Variants in ZNF608 observed in about 807,000 individuals in gnomAD.
ZNF608 encodes the protein renal carcinoma antigen NY-REN-36.
A neutral mutation model predicts 109.0 loss-of-function variants in ZNF608; 12 were observed. The observed-to-expected ratio is 0.11, with a 90% CI of 0.07 to 0.18. The LOEUF is 0.18. ZNF608 is among the 10% of genes least tolerant of loss of function. The pLI, the probability that ZNF608 is intolerant of heterozygous loss-of-function variation, is 1.00. For missense variants in ZNF608, 1,707 were observed against 1,879.3 expected (o/e 0.91, Z 1.70); for synonymous variants, 732 against 717.4 (o/e 1.02, Z -0.33).
At position 124,648,737 on chromosome 5, in the gene ZNF608, A is replaced by C. The variant is rs1227304242; in HGVS notation, c.1647T>G (p.Ser549=). 1 of 1,614,198 alleles carries C rather than the reference A, an allele frequency of 6.2e-7. No individual in the cohort carries two copies. The highest frequency in any genetic ancestry group is 1.7e-5 in the Admixed American group (1 of 60,022). Reference sequence around the variant, plus strand: ...GGTGGGGACAGTCGATTAACACTGGAGAAGAGCAGCCTTGGTCCAAAAAAG... The same window carrying C: ...GGTGGGGACAGTCGATTAACACTGGCGAAGAGCAGCCTTGGTCCAAAAAAG... ...ETTFLDQGCS[S]PVLIDCPHPN... The change falls in exon 5 of 10, where the codon TCT becomes TCG. Residue 549 remains serine (S), a synonymous_variant. Coordinates refer to ENST00000513986, the MANE Select transcript of ZNF608 (RefSeq NM_020747.3).
rs189402770 is a variant in ZNF608 at position 124,702,206 on chromosome 5, G to T, written c.907-937C>A. 2.0e-5 allele frequency among the ~76,000 whole-genome samples: 3 copies of T among 152,260 alleles called. No homozygotes were observed. In the South Asian group the frequency reaches 6.2e-4, roughly 32 times the overall value. On this transcript the variant is annotated intron_variant, in intron 2 of 9. Coordinates refer to ENST00000513986, the MANE Select transcript of ZNF608 (RefSeq NM_020747.3). ...TTTGGCCCATTGTAACAACTGCTAG[G>T]ACTGCTACAGATAGCTTTGACCCTG...
At chr5:124,736,257 G>C (rs1749137883) in intron 2 of ZNF608, among the ~76,000 whole-genome samples, 4 of 152,202 alleles carry the variant, frequency 2.6e-5, no homozygotes, top group African/African-American at 9.7e-5. Context: ...AGATTTGATA[G>C]CATTATCCAT....
chr5:124,722,904 C>T (rs1236048270), intron 2 of ZNF608, among the ~76,000 whole-genome samples: 2 of 151,898 alleles, frequency 1.3e-5, no homozygotes, highest in African/African-American at 2.4e-5. Flanking sequence ...ATTCTGTATA[C>T]TGGATCAAAA....
At chr5:124,740,648 G>A (rs1749354149) in intron 2 of ZNF608, among the ~76,000 whole-genome samples, 1 of 152,112 alleles carries the variant, frequency 6.6e-6, no homozygotes, top group Non-Finnish European at 1.5e-5. Flanking sequence ...AAAATAAAAT[G>A]AATGATATCC....
chr5:124,739,788 C>T (rs1331970335), intron 2 of ZNF608, among the ~76,000 whole-genome samples: 1 of 152,146 alleles, frequency 6.6e-6, no homozygotes, highest in Non-Finnish European at 1.5e-5. Context: ...TGGAGCAAAT[C>T]GCAGCCATTC....
At chr5:124,701,358 A>G (rs1753045744) in intron 2 of ZNF608, 89 bp from the exon 3 acceptor site, 1 of 1,469,046 alleles carries the variant, frequency 6.8e-7, no homozygotes, top group African/African-American at 1.4e-5. Flanking sequence ...AGAATATATC[A>G]CCATTCCAAA....
At chr5:124,642,744 G>A (rs1750303736) in intron 7 of ZNF608, among the ~76,000 whole-genome samples, 1 of 123,456 alleles carries the variant, frequency 8.1e-6, no homozygotes, top group Non-Finnish European at 1.6e-5. Flanking sequence ...TGTCGCCCAC[G>A]CTAGAGTGCA....
rs763656164 is a variant in ZNF608, at chr5:124,648,418, C to G, written c.1966G>C (p.Ala656Pro). The change falls in exon 5 of 10, where the codon GCT becomes CCT. Residue 656 changes from alanine (A) to proline (P), a missense_variant. Transcript: ENST00000513986. ...NGPGSIIGAK[A>P]GKNSGKKKGL... The stretch of plus-strand genomic sequence containing the variant: ...TTCTTTTTGCCAGAATTCTTCCCAG[C>G]TTTAGCACCAATAATGGAACCTGGG... 9 of 1,614,194 alleles carry G rather than the reference C, an allele frequency of 5.6e-6. No homozygotes were observed. The highest frequency in any genetic ancestry group is 7.6e-6 in the Non-Finnish European group (9 of 1,180,036).
intron 3 of ZNF608, among the ~76,000 whole-genome samples, chr5:124,662,939 G>C (rs936377304): frequency 6.6e-6 from 1 of 152,174 alleles, no homozygotes; most frequent in Non-Finnish European, 1.5e-5. Context: ...GCTAACACTT[G>C]GGGGTTGCCA....
At chr5:124,651,139 G>T (rs958799582) in intron 3 of ZNF608, among the ~76,000 whole-genome samples, 13 of 152,242 alleles carry the variant, frequency 8.5e-5, no homozygotes, top group African/African-American at 3.1e-4. Context: ...AGCAAAGCAA[G>T]TATTTCCTCA....
rs147656381 is a variant in ZNF608, at chr5:124,706,805, C to G, written c.907-5536G>C. ...AACCGAGGAAAGTTAATGTCAAGAA[C>G]AGACGCGCGGCAGTCTCTCACTGTT... On this transcript the variant is annotated intron_variant, in intron 2 of 9. Transcript: ENST00000513986. Among the ~76,000 whole-genome samples the G allele has an allele frequency of 4.9e-3, 745 of 152,304 alleles. 5 individuals carry two copies. Among genetic ancestry groups the G allele is most frequent in the African/African-American group, 0.017 (710 of 41,554 alleles).
At chr5:124,644,071 A>G (rs1407452670) in intron 6 of ZNF608, among the ~76,000 whole-genome samples, 173 bp downstream of exon 6, 3 of 152,226 alleles carry the variant, frequency 2.0e-5, no homozygotes, top group African/African-American at 7.2e-5. Context: ...GATTCTTGAC[A>G]TTTCATTAAA....
intron 2 of ZNF608, among the ~76,000 whole-genome samples, chr5:124,727,096 C>T (rs1469526373): frequency 6.6e-6 from 1 of 152,206 alleles, no homozygotes; most frequent in East Asian, 1.9e-4. Flanking sequence ...ACCTATAGTT[C>T]CTAGCACCAA....
At position 124,703,116 on chromosome 5, in the gene ZNF608, C is replaced by A. The variant is rs539790645; in HGVS notation, c.907-1847G>T. 4.6e-5 allele frequency among the ~76,000 whole-genome samples: 7 copies of A among 151,890 alleles called. No homozygotes were observed. In the East Asian group the frequency reaches 1.4e-3, roughly 29 times the overall value. On this transcript the variant is annotated intron_variant, in intron 2 of 9. Coordinates refer to ENST00000513986, the MANE Select transcript of ZNF608 (RefSeq NM_020747.3). ...TTTTTTTTTGCATGCTTTCCAGCTT[C>A]TTAATTTGTATAGTTAGTTGTAAAC... is the stretch of plus-strand genomic sequence containing the variant.
In ZNF608 at chr5:124,697,282, C is replaced by T. The variant is rs138113778; in HGVS notation, c.1162+3732G>A. On this transcript the variant is annotated intron_variant, in intron 3 of 9. Transcript: ENST00000513986. ...ATTCAATAAAAATCAAAAGGAAACA[C>T]ATTCATAAAGGCTAAAAAGCCAAGT... Among the ~76,000 whole-genome samples the T allele has an allele frequency of 5.9e-4, 87 of 146,590 alleles. 1 individual carries two copies. The East Asian group carries it at 0.011, about 19-fold the overall frequency.
chr5:124,702,037 A>T (rs925899511), intron 2 of ZNF608, among the ~76,000 whole-genome samples: 1 of 152,194 alleles, frequency 6.6e-6, no homozygotes, highest in Non-Finnish European at 1.5e-5. Context: ...AATCGCAGCC[A>T]ACTACAAGAT....
intron 2 of ZNF608, among the ~76,000 whole-genome samples, chr5:124,715,439 A>C (rs1007126306): frequency 6.6e-6 from 1 of 152,228 alleles, no homozygotes; most frequent in Non-Finnish European, 1.5e-5. Flanking sequence ...CTGCAGCAAA[A>C]TAATTATTTC....
Position 124,746,355 on chromosome 5 carries a change from T to G in ZNF608, c.-344A>C. On this transcript the variant is annotated 5_prime_UTR_variant, in exon 1 of 10. It removes an upstream start codon present in the reference 5' UTR. Coordinates refer to ENST00000513986, the MANE Select transcript of ZNF608 (RefSeq NM_020747.3). ...CAGCCAGAATAATCACTCGATAACA[T>G]TATTCCACCTCCCCACCCCCCTTTT... is the stretch of plus-strand genomic sequence containing the variant. 1 of 985,342 alleles carries G rather than the reference T, an allele frequency of 1.0e-6. No individual in the cohort carries two copies. Among genetic ancestry groups the G allele is most frequent in the Non-Finnish European group, 1.2e-6 (1 of 829,932 alleles). 61.0% of individuals were successfully genotyped at this position (985,342 alleles called of 1,614,324 possible). A position where few individuals can be genotyped will look rare whatever the true frequency, so the allele number is the denominator to read the frequency against.
intron 7 of ZNF608, among the ~76,000 whole-genome samples, chr5:124,642,295 A>T (rs1405950327): frequency 6.6e-6 from 1 of 152,198 alleles, no homozygotes; most frequent in Non-Finnish European, 1.5e-5. Context: ...CAGACATTGT[A>T]TTACTTCAGC....
Sources: gnomAD v4.1 joint callset for allele counts (sites outside exome capture counted in the v4.1 genomes callset) on GRCh38, gnomAD v4.1.1 for gene constraint, MANE v1.5 for transcripts, NCBI Gene and HGNC (gene_info 2026-07-23, HGNC 2026-07-21) for gene names.